Variants in SSH1 observed in about 807,000 individuals in gnomAD.
The protein encoded by SSH1 is slingshot protein phosphatase 1.
In SSH1, 43 loss-of-function variants were observed where a neutral mutation model predicts 79.7. That is an observed-to-expected ratio of 0.54 (90% CI 0.42 to 0.70). The LOEUF is 0.70. Ranked by LOEUF, SSH1 falls within the 30% of genes least tolerant of loss-of-function variation. The pLI is 0.00. For missense variants in SSH1, 1,206 were observed against 1,358.8 expected (o/e 0.89, Z 1.77); for synonymous variants, 599 against 538.3 (o/e 1.11, Z -1.56).
At chr12:108,802,689 G>T (rs953042624) in intron 10 of SSH1, among the ~76,000 whole-genome samples, 1 of 152,092 alleles carries the variant, frequency 6.6e-6, no homozygotes, top group Non-Finnish European at 1.5e-5. Context: ...GTGGGGGGGG[G>T]TCCTGTAAGC....
At chr12:108,809,561 GT>G (rs2037470066) in intron 7 of SSH1, 131 bp downstream of exon 7, 3 of 752,760 alleles carry the variant, frequency 4.0e-6, no homozygotes, top group Non-Finnish European at 7.3e-6. Context: ...TAAACTTTAT[GT>G]TACATGTATT....
Position 108,792,346 on chromosome 12 carries a change from G to C in SSH1, c.1833C>G (p.Asn611Lys), listed in dbSNP as rs1251447533. The C allele has an allele frequency of 6.2e-7, 1 of 1,614,184 alleles. No individual in the cohort carries two copies. The highest frequency in any genetic ancestry group is 1.1e-5 in the South Asian group (1 of 91,086). The change falls in exon 14 of 15, where the codon AAC (asparagine) becomes AAG (lysine). Residue 611 changes from asparagine (N) to lysine (K), a missense_variant. This residue lies in a region of SSH1 where 709 missense variants were observed against 730.6 expected (regional missense o/e 0.97). Transcript: ENST00000326495. ...TGTTTAGGTTCTCCGAGTTGAGCAG[G>C]TTTTGATCGAGCTGGGTTGGAAGCT... Reference protein sequence around the residue: ...WGQLPTQLDQNLLNSENLNNN... With the variant: ...WGQLPTQLDQKLLNSENLNNN...
chr12:108,849,143 AC>A (rs1566020647), intron 2 of SSH1, among the ~76,000 whole-genome samples: 2 of 151,552 alleles, frequency 1.3e-5, no homozygotes, highest in African/African-American at 4.9e-5. Flanking sequence ...AACCGGGAAA[AC>A]CCCCCTCCAA....
At chr12:108,848,272 C>T (rs1243532065) in intron 2 of SSH1, among the ~76,000 whole-genome samples, 1 of 152,128 alleles carries the variant, frequency 6.6e-6, no homozygotes, top group African/African-American at 2.4e-5. Flanking sequence ...AGGCAGGTGG[C>T]TCGGAAGACC....
intron 5 of SSH1, among the ~76,000 whole-genome samples, chr12:108,811,841 G>A (rs2037622329): frequency 6.6e-6 from 1 of 152,206 alleles, no homozygotes; most frequent in African/African-American, 2.4e-5. Context: ...TGCAGAGACT[G>A]GCGCCACTGA....
intron 10 of SSH1, among the ~76,000 whole-genome samples, chr12:108,802,943 C>T (rs1184536339): frequency 2.6e-5 from 4 of 151,748 alleles, no homozygotes; most frequent in African/African-American, 9.7e-5. Context: ...CCCAAACGTC[C>T]AAAGGGAAAA....
chr12:108,803,364 G>A (rs1404945249), intron 10 of SSH1, among the ~76,000 whole-genome samples: 10 of 144,600 alleles, frequency 6.9e-5, no homozygotes, highest in Admixed American at 6.9e-5. Flanking sequence ...TGGAACGGGG[G>A]AAAAAAAAAA....
chr12:108,849,768 C>T (rs1178146674), intron 2 of SSH1, among the ~76,000 whole-genome samples: 1 of 141,840 alleles, frequency 7.1e-6, no homozygotes, highest in Non-Finnish European at 1.5e-5. Context: ...CAACAACAGC[C>T]CTGAGAGAGA....
rs1425832352 is a variant in SSH1 at position 108,784,291 on chromosome 12, CTG to C, written c.*3695_*3696del. 6.6e-6 allele frequency: 1 copy of C among 152,430 alleles called. No homozygotes were observed. Among genetic ancestry groups the C allele is most frequent in the Non-Finnish European group, 1.5e-5 (1 of 68,232 alleles). The allele number at this position is 152,430 out of a possible 1,614,324, so 9.4% of individuals were successfully genotyped here. On this transcript the variant is annotated 3_prime_UTR_variant, in exon 15 of 15. Coordinates refer to ENST00000326495, the MANE Select transcript of SSH1 (RefSeq NM_018984.4). ...GCTCAGCTCCACACTGCTGCAAACTCTGGACTTCTCCAGGGGAAAAGGGCTTT... is the reference window on the plus strand; with the variant it reads ...GCTCAGCTCCACACTGCTGCAAACTCGACTTCTCCAGGGGAAAAGGGCTTT...
chr12:108,805,028 C>T (rs1252012314), intron 10 of SSH1, 28 bp downstream of exon 10: 4 of 1,613,172 alleles, frequency 2.5e-6, no homozygotes, highest in Non-Finnish European at 3.4e-6. Flanking sequence ...TCCCCCAAAC[C>T]AGATACTGCC....
intron 13 of SSH1, 68 bp from the exon 14 acceptor site, chr12:108,792,897 T>C (rs984159411): frequency 6.9e-6 from 11 of 1,599,312 alleles, no homozygotes; most frequent in Non-Finnish European, 8.5e-6. Context: ...GGGAAGAGTA[T>C]GCGGTGAGCC....
At chr12:108,789,507 AGT>A (rs1261703064) in intron 14 of SSH1, among the ~76,000 whole-genome samples, 1 of 152,144 alleles carries the variant, frequency 6.6e-6, no homozygotes, top group East Asian at 1.9e-4. Flanking sequence ...CCTTTTGGTC[AGT>A]GAGGATCTAA....
At chr12:108,827,242 A>T (rs763041658) in intron 2 of SSH1, 4 of 1,536,834 alleles carry the variant, frequency 2.6e-6, no homozygotes, top group Non-Finnish European at 3.5e-6. Flanking sequence ...GGAAACCAGT[A>T]ATCAGGGTGG....
chr12:108,826,152 G>A (rs1463997916), intron 2 of SSH1: 1 of 455,196 alleles, frequency 2.2e-6, no homozygotes, highest in Non-Finnish European at 4.4e-6. Context: ...GATGACCTTT[G>A]CCTTGGAAAC....
At chr12:108,853,151 T>G (rs1593139647) in intron 1 of SSH1, 1 of 985,424 alleles carries the variant, frequency 1.0e-6, no homozygotes, top group Non-Finnish European at 1.2e-6. Context: ...CAGTGGAAGG[T>G]GGCCAGGAAT....
rs2039167694 is a variant in SSH1 at position 108,857,431 on chromosome 12, G to A, written c.66C>T (p.Ser22=). ...GCGCGGCGAGCCCGGGGCTCACCTCGCTGTTGCTGGCCGAGGAGGAGGCGG... is the reference window on the plus strand; with the variant it reads ...GCGCGGCGAGCCCGGGGCTCACCTCACTGTTGCTGGCCGAGGAGGAGGCGG... ...PSAASSSASN[S]ELEAGSEEDR... Residue 22 remains serine (S), a synonymous_variant, in exon 1 of 15, where the codon AGC becomes AGT. Coordinates refer to ENST00000326495, the MANE Select transcript of SSH1 (RefSeq NM_018984.4). This position sits in a 1 kb window ranked among gnomAD's most constrained non-coding sequence, Gnocchi z 4.7. The A allele has an allele frequency of 1.8e-6, 2 of 1,099,160 alleles. No individual in the cohort carries two copies. The highest frequency in any genetic ancestry group is 1.0e-4 in the East Asian group (1 of 10,034). 68.1% of individuals were successfully genotyped at this position (1,099,160 alleles called of 1,614,324 possible).
intron 2 of SSH1, among the ~76,000 whole-genome samples, chr12:108,824,409 C>T (rs962781790): frequency 2.0e-5 from 3 of 151,348 alleles, no homozygotes; most frequent in South Asian, 2.1e-4. Flanking sequence ...GATCGCACCA[C>T]GCACCACTGC....
intron 2 of SSH1, among the ~76,000 whole-genome samples, chr12:108,844,134 C>A (rs1164722141): frequency 6.6e-6 from 1 of 152,040 alleles, no homozygotes; most frequent in Non-Finnish European, 1.5e-5. Flanking sequence ...TTCTGACAAC[C>A]ACCCTACAAG....
chr12:108,798,361 T>A (rs1248502980), intron 13 of SSH1, among the ~76,000 whole-genome samples: 1 of 152,192 alleles, frequency 6.6e-6, no homozygotes, highest in Non-Finnish European at 1.5e-5. Context: ...GTTTAAGAGA[T>A]GGGGTCTTGC....
Sources: gnomAD v4.1 joint callset for allele counts (sites outside exome capture counted in the v4.1 genomes callset) on GRCh38, gnomAD v4.1.1 for gene constraint, gnomAD v4.1.1 regional missense constraint, Gnocchi (gnomAD v3.1) non-coding constraint, MANE v1.5 for transcripts, NCBI Gene and HGNC (gene_info 2026-07-23, HGNC 2026-07-21) for gene names.